Variants in DPP10 observed in about 807,000 individuals in gnomAD.
DPP10 encodes inactive dipeptidyl peptidase 10.
DPP10 carries 33 observed loss-of-function variants against 120.9 expected under a neutral mutation model. The observed-to-expected ratio is 0.27, with a 90% confidence interval of 0.21 to 0.37. DPP10 has a LOEUF of 0.37. Ranked by LOEUF, DPP10 falls within the 10% of genes least tolerant of loss-of-function variation. The probability of loss-of-function intolerance (pLI) is 1.00; values close to 1 mark genes in which losing one functional copy is unlikely to be tolerated. For synonymous variants in DPP10, 337 were observed against 326.1 expected (o/e 1.03, Z -0.36); for missense variants, 816 against 942.8 (o/e 0.87, Z 1.76).
At position 115,225,577 on chromosome 2, in the gene DPP10, G is replaced by A. The variant is rs190651163; in HGVS notation, c.61-83662G>A. On this transcript the variant is annotated intron_variant, in intron 1 of 25. Transcript: ENST00000410059. ...AGGGAAGTTTACTGAGCTGGGGATA[G>A]ATTTGCCAATCATCTATGGGTAGTT... Among the ~76,000 whole-genome samples, 26 of 152,024 alleles carry A rather than the reference G, an allele frequency of 1.7e-4. 1 individual carries two copies. Among genetic ancestry groups the A allele is most frequent in the Middle Eastern group, 3.4e-3 (1 of 294 alleles).
chr2:114,801,100 A>G lies in DPP10; in HGVS notation c.60+358262A>G, dbSNP rs2106280216. ...AACACGGTAAAACCCCGTCTCTACT[A>G]AAAATACAAAAAATTAGCCGGGTGT... On this transcript the variant is annotated intron_variant, in intron 1 of 25. Transcript: ENST00000410059. Among the ~76,000 whole-genome samples the G allele has an allele frequency of 3.3e-5, 5 of 151,950 alleles. No homozygotes were observed. The South Asian group carries it at 1.0e-3, about 32-fold the overall frequency.
chr2:115,802,164 T>G (rs185693492), intron 19 of DPP10, among the ~76,000 whole-genome samples: 5,686 of 152,036 alleles, frequency 0.037, 362 homozygotes, highest in African/African-American at 0.13. Flanking sequence ...AGTCTTGGGA[T>G]AGTGTATGTG....
chr2:114,513,629 AAG>A (rs1317583182), intron 1 of DPP10, among the ~76,000 whole-genome samples: 1 of 151,760 alleles, frequency 6.6e-6, no homozygotes, highest in Non-Finnish European at 1.5e-5. Context: ...AGGAAAAAGA[AAG>A]AAAGAAAGAA....
intron 9 of DPP10, among the ~76,000 whole-genome samples, chr2:115,745,045 G>T (rs1021907984): frequency 2.0e-5 from 3 of 150,162 alleles, no homozygotes; most frequent in African/African-American, 7.3e-5. Context: ...CATTGATGGG[G>T]TTATTCATTT....
At chr2:114,478,474 A>G (rs1558795903) in intron 1 of DPP10, among the ~76,000 whole-genome samples, 1 of 152,154 alleles carries the variant, frequency 6.6e-6, no homozygotes, top group East Asian at 1.9e-4. Context: ...ATGATGAAAG[A>G]CTCATTATTT....
At chr2:115,222,975 A>G (rs1316106538) in intron 1 of DPP10, among the ~76,000 whole-genome samples, 1 of 152,168 alleles carries the variant, frequency 6.6e-6, no homozygotes, top group Admixed American at 6.6e-5. Context: ...ATGAATATTT[A>G]TAAGACTATT....
intron 5 of DPP10, among the ~76,000 whole-genome samples, chr2:115,673,787 A>G (rs1559012281): frequency 6.6e-6 from 1 of 152,224 alleles, no homozygotes; most frequent in Non-Finnish European, 1.5e-5. Context: ...GTTGAGAGTC[A>G]CTGCCTTATC....
At chr2:115,105,121 T>C (rs1299744243) in intron 1 of DPP10, among the ~76,000 whole-genome samples, 1 of 152,246 alleles carries the variant, frequency 6.6e-6, no homozygotes, top group Non-Finnish European at 1.5e-5. Context: ...GTTTATACTT[T>C]ACCGTTTGTC....
intron 3 of DPP10, among the ~76,000 whole-genome samples, chr2:115,350,791 T>C (rs1405916035): frequency 6.6e-6 from 1 of 152,098 alleles, no homozygotes; most frequent in Non-Finnish European, 1.5e-5. Context: ...AATCCAAACC[T>C]CTGCAACATG....
intron 1 of DPP10, among the ~76,000 whole-genome samples, chr2:114,476,988 T>C (rs996648323): frequency 1.3e-5 from 2 of 152,088 alleles, no homozygotes; most frequent in Non-Finnish European, 2.9e-5. Flanking sequence ...AGTCAGAGTT[T>C]CACTCTGTTG....
intron 1 of DPP10, among the ~76,000 whole-genome samples, chr2:114,728,983 T>C (rs1676624240): frequency 6.6e-6 from 1 of 152,212 alleles, no homozygotes; most frequent in Non-Finnish European, 1.5e-5. Flanking sequence ...TTGGTGTTTT[T>C]CTTTGGCATG....
intron 5 of DPP10, among the ~76,000 whole-genome samples, chr2:115,606,305 C>CT (rs1332870966): frequency 6.6e-6 from 1 of 151,908 alleles, no homozygotes; most frequent in East Asian, 1.9e-4. Context: ...TGTTCTTTCG[C>CT]TTTTTTTAAA....
At chr2:115,267,408 G>C (rs758826337) in intron 1 of DPP10, among the ~76,000 whole-genome samples, 1 of 152,152 alleles carries the variant, frequency 6.6e-6, no homozygotes, top group Non-Finnish European at 1.5e-5. Flanking sequence ...AAATATTTTA[G>C]AGTAGCAGGG....
At chr2:115,598,482 A>G (rs1053719488) in intron 5 of DPP10, among the ~76,000 whole-genome samples, 5 of 151,932 alleles carry the variant, frequency 3.3e-5, no homozygotes, top group Admixed American at 6.6e-5. Flanking sequence ...TCTATGGCTT[A>G]CAATTTATAT....
intron 5 of DPP10, among the ~76,000 whole-genome samples, chr2:115,686,646 A>G (rs2091003331): frequency 6.6e-6 from 1 of 152,034 alleles, no homozygotes; most frequent in Non-Finnish European, 1.5e-5. Context: ...ATTGGATTAC[A>G]TGATCTTTTG....
intron 1 of DPP10, among the ~76,000 whole-genome samples, chr2:115,013,658 C>CAAAAAAAAAAAA (rs59313783): frequency 1.7e-5 from 1 of 58,412 alleles, no homozygotes; most frequent in Non-Finnish European, 3.7e-5. Flanking sequence ...AAATGGAAAG[C>CAAAAAAAAAAAA]AAAAAAAAAA....
At chr2:115,363,650 A>G (rs943622180) in intron 3 of DPP10, among the ~76,000 whole-genome samples, 2 of 152,338 alleles carry the variant, frequency 1.3e-5, no homozygotes, top group Middle Eastern at 3.4e-3. Flanking sequence ...TTCTAAAGGC[A>G]TTGTGAGCAT....
intron 3 of DPP10, among the ~76,000 whole-genome samples, chr2:115,433,849 T>C (rs929812542): frequency 6.6e-6 from 1 of 152,034 alleles, no homozygotes; most frequent in Non-Finnish European, 1.5e-5. Context: ...TCATTCTTCA[T>C]GTGTCAATCA....
At chr2:114,494,483 G>A (rs1682327371) in intron 1 of DPP10, among the ~76,000 whole-genome samples, 1 of 152,154 alleles carries the variant, frequency 6.6e-6, no homozygotes, top group South Asian at 2.1e-4. Flanking sequence ...GAAGAAGCAA[G>A]CATGAGTTTG....
Sources: allele counts gnomAD v4.1 joint callset (sites outside exome capture counted in the v4.1 genomes callset), GRCh38; gene constraint gnomAD v4.1.1; transcripts MANE v1.5; gene names NCBI Gene and HGNC (gene_info 2026-07-23, HGNC 2026-07-21).